Variants in LAMA2 observed in about 807,000 individuals in gnomAD.
LAMA2 encodes laminin subunit alpha 2.
LAMA2 carries 269 observed loss-of-function variants against 364.8 expected under a neutral mutation model. That is an observed-to-expected ratio of 0.74 (90% CI 0.67 to 0.82). The LOEUF is 0.82. Among genes scored for constraint, LAMA2 ranks in the 40% least tolerant of loss-of-function variants. LAMA2 has a pLI of 0.00. For synonymous variants in LAMA2, 1,379 were observed against 1,370.6 expected, an observed-to-expected ratio of 1.01 and a Z score of -0.14; for missense variants, 3,807 against 3,873.2, an observed-to-expected ratio of 0.98 and a Z score of 0.45.
chr6:128,969,676 C>T (rs566494348), intron 1 of LAMA2, among the ~76,000 whole-genome samples: 3 of 152,116 alleles, frequency 2.0e-5, no homozygotes, highest in African/African-American at 7.2e-5. Context: ...AGTGATCCAC[C>T]CACCTAGACC....
intron 1 of LAMA2, among the ~76,000 whole-genome samples, chr6:128,975,861 A>G (rs1782497679): frequency 6.6e-6 from 1 of 152,160 alleles, no homozygotes; most frequent in Non-Finnish European, 1.5e-5. Context: ...TGTCTTGGGT[A>G]TTTCTTTATT....
chr6:129,298,579 C>T (rs1773351925), intron 21 of LAMA2, among the ~76,000 whole-genome samples: 1 of 152,176 alleles, frequency 6.6e-6, no homozygotes, highest in Non-Finnish European at 1.5e-5. Context: ...CTTATTCCAA[C>T]AATCACTAGT....
intron 1 of LAMA2, among the ~76,000 whole-genome samples, chr6:128,899,882 G>C (rs1457175646): frequency 6.6e-6 from 1 of 151,988 alleles, no homozygotes; most frequent in Non-Finnish European, 1.5e-5. Flanking sequence ...CTGGATGGAA[G>C]GTCTTTTTGG....
At chr6:129,311,982 G>A (rs1774254993) in intron 22 of LAMA2, among the ~76,000 whole-genome samples, 1 of 152,060 alleles carries the variant, frequency 6.6e-6, no homozygotes, top group Admixed American at 6.6e-5. Context: ...TATAGATTTG[G>A]CAGAGAGAAC....
chr6:129,237,126 T>C (rs1293546796), intron 12 of LAMA2, among the ~76,000 whole-genome samples: 2 of 152,128 alleles, frequency 1.3e-5, no homozygotes, highest in Non-Finnish European at 2.9e-5. Flanking sequence ...TCTTACCACA[T>C]AAGGTTGTGT....
intron 1 of LAMA2, among the ~76,000 whole-genome samples, chr6:128,945,968 G>T (rs1271951805): frequency 6.6e-6 from 1 of 152,210 alleles, no homozygotes; most frequent in Non-Finnish European, 1.5e-5. Context: ...AGAGTGTCTA[G>T]TTCTCAGAGA....
At chr6:129,438,580 A>T in intron 41 of LAMA2, 66 bp from the exon 42 acceptor site, 1 of 767,370 alleles carries the variant, frequency 1.3e-6, no homozygotes, top group Non-Finnish European at 2.3e-6. Flanking sequence ...CTGAAATTGC[A>T]CATCCAAGTA....
chr6:129,331,020 C>G (rs1226801199), intron 29 of LAMA2, among the ~76,000 whole-genome samples: 1 of 152,090 alleles, frequency 6.6e-6, no homozygotes, highest in Non-Finnish European at 1.5e-5. Context: ...AGGTGCCCAC[C>G]ACCATGCCCG....
intron 1 of LAMA2, chr6:128,930,029 C>A: frequency 2.2e-6 from 1 of 453,820 alleles, no homozygotes. Context: ...CGTTGCAGAG[C>A]ACGGGGCGCC....
intron 10 of LAMA2, among the ~76,000 whole-genome samples, chr6:129,182,971 T>C (rs893746218): frequency 2.0e-5 from 3 of 151,920 alleles, no homozygotes; most frequent in Non-Finnish European, 4.4e-5. Flanking sequence ...AAGAGGAGAA[T>C]GAAATTTTTA....
intron 3 of LAMA2, 152 bp from the exon 4 acceptor site, chr6:129,098,021 A>G: frequency 1.1e-6 from 1 of 916,856 alleles, no homozygotes; most frequent in Non-Finnish European, 1.7e-6. Context: ...TTAGATATGA[A>G]CCTGTAATAG....
chr6:129,312,302 A>G (rs955715718), intron 22 of LAMA2, among the ~76,000 whole-genome samples: 7 of 152,212 alleles, frequency 4.6e-5, no homozygotes, highest in African/African-American at 9.6e-5. Flanking sequence ...TAAATGCCAA[A>G]AAACAATATA....
chr6:129,284,833 T>G (rs968407199), intron 18 of LAMA2, among the ~76,000 whole-genome samples: 6 of 152,160 alleles, frequency 3.9e-5, no homozygotes, highest in Admixed American at 3.3e-4. Flanking sequence ...AATAACTGCA[T>G]GTGTTATCTG....
chr6:129,227,235 A>G (rs114170978), intron 12 of LAMA2, among the ~76,000 whole-genome samples: 235 of 152,228 alleles, frequency 1.5e-3, no homozygotes, highest in African/African-American at 5.4e-3. Flanking sequence ...CATTTGTCCT[A>G]TCTTTTTTCA....
At position 129,296,530 on chromosome 6, in the gene LAMA2, C is replaced by T. The variant is rs551290968; in HGVS notation, c.2857-1155C>T. ...TTAAAAATAAAACTATTCTTAGCTA[C>T]GGTCATTTTAAAAATCTAATTTTCA... On this transcript the variant is annotated intron_variant, in intron 20 of 64. Coordinates refer to ENST00000421865, the MANE Select transcript of LAMA2 (RefSeq NM_000426.4). Among the ~76,000 whole-genome samples the T allele has an allele frequency of 7.2e-5, 11 of 152,042 alleles. No homozygotes were observed. In the East Asian group the frequency reaches 9.6e-4, roughly 13 times the overall value.
At chr6:129,227,667 C>CCGCCTG (rs1784396733) in intron 12 of LAMA2, among the ~76,000 whole-genome samples, 1 of 152,132 alleles carries the variant, frequency 6.6e-6, no homozygotes, top group Non-Finnish European at 1.5e-5. Flanking sequence ...GCAAATGTTG[C>CCGCCTG]CGCCTGATCG....
chr6:129,146,893 TC>T lies in LAMA2; in HGVS notation c.820-62del, dbSNP rs1339157855. 3.2e-6 allele frequency: 3 copies of T among 943,678 alleles called. No homozygotes were observed. In the East Asian group the frequency reaches 7.2e-5, roughly 23 times the overall value. The allele number at this position is 943,678 out of a possible 1,614,324, so 58.5% of individuals were successfully genotyped here. On this transcript the variant is annotated intron_variant, in intron 5 of 64. Transcript: ENST00000421865. Reference sequence around the variant, plus strand: ...CAGAAAATAAAGTTTTTACTGAATGTCCCCTTTTGTTACTTTGACCTTGCAG... The same window carrying T: ...CAGAAAATAAAGTTTTTACTGAATGTCCCTTTTGTTACTTTGACCTTGCAG...
At chr6:129,457,470 A>G (rs1783028788) in intron 48 of LAMA2, among the ~76,000 whole-genome samples, 1 of 152,058 alleles carries the variant, frequency 6.6e-6, no homozygotes, top group South Asian at 2.1e-4. Context: ...CTCCTCTTCC[A>G]CTTGCTAAAA....
intron 30 of LAMA2, 111 bp from the exon 31 acceptor site, chr6:129,349,187 A>G: frequency 1.3e-6 from 1 of 791,908 alleles, no homozygotes; most frequent in Non-Finnish European, 2.2e-6. Flanking sequence ...TAAAGATGGC[A>G]TTTATTACTA....
Sources: allele counts gnomAD v4.1 joint callset (sites outside exome capture counted in the v4.1 genomes callset), GRCh38; gene constraint gnomAD v4.1.1; transcripts MANE v1.5; gene names NCBI Gene and HGNC (gene_info 2026-07-23, HGNC 2026-07-21).